Variants in RFC3 observed in about 807,000 individuals in gnomAD.
The protein encoded by RFC3 is A1 38 kDa subunit.
RFC3 carries 41 observed loss-of-function variants against 45.1 expected under a neutral mutation model. The ratio of observed to expected loss-of-function variants is 0.91; its 90% CI spans 0.71 to 1.18. RFC3 has a LOEUF of 1.18. Ranked by LOEUF, RFC3 falls within the 50% of genes most tolerant of loss-of-function variation. The probability of loss-of-function intolerance (pLI) is 0.00; values close to 1 mark genes in which losing one functional copy is unlikely to be tolerated. For synonymous variants in RFC3, 149 were observed against 144.0 expected (o/e 1.03, Z -0.25); for missense variants, 423 against 428.1 (o/e 0.99, Z 0.10).
intron 8 of RFC3, among the ~76,000 whole-genome samples, chr13:33,858,150 G>T (rs943110021): frequency 6.6e-6 from 1 of 152,156 alleles, no homozygotes; most frequent in African/African-American, 2.4e-5. Flanking sequence ...TTATTTTATG[G>T]ATGACCAGCC....
At chr13:33,947,932 T>C (rs1394244446) in intron 8 of RFC3, among the ~76,000 whole-genome samples, 6 of 152,146 alleles carry the variant, frequency 3.9e-5, no homozygotes, top group Non-Finnish European at 7.4e-5. Flanking sequence ...AGAGCATAAA[T>C]GTTTGGAAAA....
At chr13:33,818,550 G>A (rs1489064919) in intron 1 of RFC3, among the ~76,000 whole-genome samples, 1 of 152,254 alleles carries the variant, frequency 6.6e-6, no homozygotes, top group Non-Finnish European at 1.5e-5. Flanking sequence ...GGGACAGCAA[G>A]TGCAAAATTC....
intron 8 of RFC3, among the ~76,000 whole-genome samples, chr13:33,854,805 G>A (rs1024966663): frequency 1.3e-5 from 2 of 152,136 alleles, no homozygotes; most frequent in African/African-American, 4.8e-5. Flanking sequence ...ACTGGCTGCT[G>A]CTATTTCAGG....
chr13:33,871,207 A>G (rs964300590), intron 8 of RFC3, among the ~76,000 whole-genome samples: 1 of 152,220 alleles, frequency 6.6e-6, no homozygotes, highest in Non-Finnish European at 1.5e-5. Context: ...CATAGCTGCC[A>G]TAACAAATAA....
At position 33,949,747 on chromosome 13, in the gene RFC3, G is replaced by A. The variant is rs912075752; in HGVS notation, c.880-16340G>A. Among the ~76,000 whole-genome samples the A allele has an allele frequency of 4.6e-5, 7 of 152,134 alleles. 1 individual carries two copies. Among genetic ancestry groups the A allele is most frequent in the Non-Finnish European group, 8.8e-5 (6 of 68,014 alleles). On this transcript the variant is annotated intron_variant, in intron 8 of 8. Transcript: ENST00000434425. ...GATAAAATTAACATTTGAATAGGTA[G>A]ACTGAATAAAGCAGATTGTCTTCCC...
chr13:33,975,530 A>C, the RFC3 span, among the ~76,000 whole-genome samples: 1 of 152,244 alleles, frequency 6.6e-6, no homozygotes, highest in Non-Finnish European at 1.5e-5. Context: ...TAATTTATGC[A>C]AATCTTTAAA....
At chr13:33,868,804 A>C (rs1269828207) in intron 8 of RFC3, among the ~76,000 whole-genome samples, 1 of 152,200 alleles carries the variant, frequency 6.6e-6, no homozygotes, top group East Asian at 1.9e-4. Context: ...AATATTGCCC[A>C]ATTCCTTGTT....
intron 1 of RFC3, 77 bp downstream of exon 1, chr13:33,818,342 T>C: frequency 8.6e-7 from 1 of 1,163,924 alleles, no homozygotes; most frequent in Non-Finnish European, 1.3e-6. Flanking sequence ...TGAGGAGCAG[T>C]GCTTCTCCCG....
downstream of RFC3, among the ~76,000 whole-genome samples, chr13:33,838,167 T>C (rs917366493): frequency 1.3e-5 from 2 of 152,176 alleles, no homozygotes; most frequent in Non-Finnish European, 2.9e-5. Context: ...TATCTTGATA[T>C]ATTGACTCCT....
intron 8 of RFC3, among the ~76,000 whole-genome samples, chr13:33,901,860 A>C (rs888993239): frequency 7.2e-5 from 11 of 152,102 alleles, no homozygotes; most frequent in East Asian, 3.9e-4. Flanking sequence ...AAACAAAAAA[A>C]CAAAATCTCA....
intron 8 of RFC3, among the ~76,000 whole-genome samples, chr13:33,940,248 C>T (rs58329030): frequency 0.024 from 3,678 of 152,100 alleles, 131 homozygotes; most frequent in African/African-American, 0.08. Flanking sequence ...AGTATGACTT[C>T]AACTGCCCTC....
At chr13:33,871,946 C>A (rs1273373648) in intron 8 of RFC3, among the ~76,000 whole-genome samples, 1 of 152,192 alleles carries the variant, frequency 6.6e-6, no homozygotes. Flanking sequence ...CTGCTTGTAC[C>A]AAGTAGTATT....
chr13:33,931,574 G>T (rs921390956), intron 8 of RFC3, among the ~76,000 whole-genome samples: 4 of 152,068 alleles, frequency 2.6e-5, no homozygotes, highest in African/African-American at 9.7e-5. Flanking sequence ...GTCACAGTGT[G>T]GGGGTCCAAC....
At chr13:33,873,204 T>A (rs185220016) in intron 8 of RFC3, among the ~76,000 whole-genome samples, 1 of 152,324 alleles carries the variant, frequency 6.6e-6, no homozygotes, top group East Asian at 1.9e-4. Flanking sequence ...GAGGGGGTTG[T>A]GGAGCCCAGG....
intron 8 of RFC3, among the ~76,000 whole-genome samples, chr13:33,880,118 G>T (rs543963359): frequency 3.3e-5 from 5 of 152,072 alleles, no homozygotes; most frequent in Admixed American, 3.3e-4. Flanking sequence ...CCCCTTTATC[G>T]TGTAATATAA....
chr13:33,976,456 G>A, the RFC3 span, among the ~76,000 whole-genome samples: 4 of 151,926 alleles, frequency 2.6e-5, no homozygotes, highest in Non-Finnish European at 2.9e-5. Context: ...TTGGTTAAGA[G>A]GTACAAAAAT....
intron 1 of RFC3, among the ~76,000 whole-genome samples, chr13:33,819,160 G>C (rs2139369044): frequency 6.6e-6 from 1 of 152,276 alleles, no homozygotes; most frequent in African/African-American, 2.4e-5. Flanking sequence ...CCAAAGTGCT[G>C]GGATTACAGG....
At chr13:33,894,991 CA>C (rs2082588645) in intron 8 of RFC3, among the ~76,000 whole-genome samples, 1 of 152,056 alleles carries the variant, frequency 6.6e-6, no homozygotes. Context: ...TCATCGTATA[CA>C]AAAATCAACT....
At chr13:33,922,394 A>G (rs1383752961) in intron 8 of RFC3, among the ~76,000 whole-genome samples, 9 of 152,118 alleles carry the variant, frequency 5.9e-5, no homozygotes, top group African/African-American at 2.2e-4. Context: ...GAAATATTCA[A>G]TTTAAGGACC....
Sources: allele counts gnomAD v4.1 joint callset (sites outside exome capture counted in the v4.1 genomes callset), GRCh38; gene constraint gnomAD v4.1.1; transcripts MANE v1.5; gene names NCBI Gene and HGNC (gene_info 2026-07-23, HGNC 2026-07-21).